Variants in GYG1 observed in about 807,000 individuals in gnomAD.
The protein encoded by GYG1 is glycogenin-1.
A neutral mutation model predicts 41.9 loss-of-function variants in GYG1; 44 were observed. The observed-to-expected ratio is 1.05, with a 90% CI of 0.83 to 1.35. The LOEUF is 1.35. Among genes scored for constraint, GYG1 ranks in the 40% most tolerant of loss-of-function variants. The probability of loss-of-function intolerance (pLI) is 0.00; values close to 1 mark genes in which losing one functional copy is unlikely to be tolerated. For synonymous variants in GYG1, 141 were observed against 158.1 expected, an observed-to-expected ratio of 0.89 and a Z score of 0.81; for missense variants, 429 against 418.9, an observed-to-expected ratio of 1.02 and a Z score of -0.21.
Position 149,011,326 on chromosome 3 carries a change from T to C in GYG1, c.608+1924T>C, listed in dbSNP as rs573038460. 1.4e-4 allele frequency among the ~76,000 whole-genome samples: 21 copies of C among 152,362 alleles called. No individual in the cohort carries two copies. The South Asian group carries it at 3.9e-3, about 29-fold the overall frequency. ...ATAGTGTTCTTGCAAACCATGACAG[T>C]GTGACCCCTAGAGCCGAATTTGTCT... On this transcript the variant is annotated intron_variant, in intron 5 of 7. Transcript: ENST00000345003.
In GYG1 at chr3:149,027,177, T is replaced by A; in HGVS notation, c.*244T>A. On this transcript the variant is annotated 3_prime_UTR_variant, in exon 8 of 8. Coordinates refer to ENST00000345003, the MANE Select transcript of GYG1 (RefSeq NM_004130.4). The stretch of plus-strand genomic sequence containing the variant: ...TAGCTTGTTTCAGAAATTCTCACTT[T>A]TGTTGACTGCCAACATACAAAGTAA... 1.8e-6 allele frequency: 1 copy of A among 543,884 alleles called. No individual in the cohort carries two copies. The highest frequency in any genetic ancestry group is 3.3e-6 in the Non-Finnish European group (1 of 304,778). The allele number at this position is 543,884 out of a possible 1,614,324, so 33.7% of individuals were successfully genotyped here. A position where few individuals can be genotyped will look rare whatever the true frequency, so the allele number is the denominator to read the frequency against.
At chr3:149,000,534 ACT>A (rs1477872735) in intron 4 of GYG1, among the ~76,000 whole-genome samples, 1 of 152,134 alleles carries the variant, frequency 6.6e-6, no homozygotes, top group African/African-American at 2.4e-5. Flanking sequence ...GATGAACTTG[ACT>A]CTGAAGAAAT....
intron 6 of GYG1, 22 bp downstream of exon 6, chr3:149,024,294 C>T: frequency 5.0e-6 from 7 of 1,390,670 alleles, no homozygotes; most frequent in Non-Finnish European, 7.2e-6. Context: ...TTCTTTTCTT[C>T]AGATCATTTA....
chr3:149,014,701 T>C (rs1713921847), intron 5 of GYG1, among the ~76,000 whole-genome samples: 1 of 151,420 alleles, frequency 6.6e-6, no homozygotes, highest in Admixed American at 6.6e-5. Context: ...AAAATACATA[T>C]ATATAAATAC....
At chr3:149,013,950 ATCGT>A (rs1713878405) in intron 5 of GYG1, among the ~76,000 whole-genome samples, 1 of 152,172 alleles carries the variant, frequency 6.6e-6, no homozygotes, top group Non-Finnish European at 1.5e-5. Flanking sequence ...TGGCCTGCTG[ATCGT>A]TCATTCAGTT....
At chr3:149,009,940 A>G (rs116651832) in intron 5 of GYG1, among the ~76,000 whole-genome samples, 97 of 152,302 alleles carry the variant, frequency 6.4e-4, no homozygotes, top group African/African-American at 2.3e-3. Context: ...TACTTACTGA[A>G]CTTCTTTCTG....
rs1265151851 is a variant in GYG1, at chr3:149,026,841, CG to C, written c.963del (p.Lys322ArgfsTer49). The stretch of plus-strand genomic sequence containing the variant: ...ACAGCCGTTTGTATCCTCGGAAGAA[CG>C]GAAGGAACGATGGGAACAGGGCCAG... ...MAQPFVSSEE[R>X]KERWEQGQAD... On this transcript the variant is annotated frameshift_variant, in exon 8 of 8. Transcript: ENST00000345003. LOFTEE classifies it high-confidence loss of function. 1.2e-6 allele frequency: 2 copies of C among 1,613,878 alleles called. No homozygotes were observed. Among genetic ancestry groups the C allele is most frequent in the East Asian group, 4.5e-5 (2 of 44,870 alleles).
intron 5 of GYG1, among the ~76,000 whole-genome samples, chr3:149,016,264 AAAAAAAAAAAAAC>A (rs1714026284): frequency 1.3e-5 from 2 of 150,034 alleles, no homozygotes; most frequent in African/African-American, 4.9e-5. Context: ...CCGTCTCAAA[AAAAAAAAAAAAAC>A]AAAAAAGAAA....
At chr3:149,000,464 T>C (rs1253874727) in intron 4 of GYG1, among the ~76,000 whole-genome samples, 1 of 152,224 alleles carries the variant, frequency 6.6e-6, no homozygotes, top group Non-Finnish European at 1.5e-5. Context: ...AAGAGAGAGC[T>C]CATTATATTG....
At chr3:149,016,556 G>A (rs1714058856) in intron 5 of GYG1, among the ~76,000 whole-genome samples, 2 of 152,162 alleles carry the variant, frequency 1.3e-5, no homozygotes, top group Admixed American at 6.5e-5. Flanking sequence ...TAAAGTCTGG[G>A]TTCGAGTGCT....
At position 149,026,921 on chromosome 3, in the gene GYG1, T is replaced by A. The variant is rs202027758; in HGVS notation, c.1041T>A (p.Thr347=). The A allele has an allele frequency of 3.0e-4, 484 of 1,613,858 alleles. 1 individual carries two copies. Among genetic ancestry groups the A allele is most frequent in the Non-Finnish European group, 3.7e-4 (441 of 1,179,702 alleles). Residue 347 remains threonine (T), a synonymous_variant, in exon 8 of 8, where the codon ACT becomes ACA. Coordinates refer to ENST00000345003, the MANE Select transcript of GYG1 (RefSeq NM_004130.4). ...SFDNIKRKLD[T]YLQ is the part of the protein sequence containing the mutation. Reference sequence around the variant, plus strand: ...ACAACATCAAGAGGAAACTTGACACTTACCTCCAGTAGAAACACTGCATTT... The same window carrying A: ...ACAACATCAAGAGGAAACTTGACACATACCTCCAGTAGAAACACTGCATTT...
chr3:149,021,543 A>C (rs16861301), intron 5 of GYG1, among the ~76,000 whole-genome samples: 3,115 of 152,258 alleles, frequency 0.02, 126 homozygotes, highest in African/African-American at 0.071. Context: ...GCATGGTAGG[A>C]TGGTAAGTGC....
chr3:148,994,278 G>T lies in GYG1; in HGVS notation c.143+1G>T. The T allele has an allele frequency of 6.2e-7, 1 of 1,614,032 alleles. No homozygotes were observed. Among genetic ancestry groups the T allele is most frequent in the South Asian group, 1.1e-5 (1 of 91,086 alleles). On this transcript the variant is annotated splice_donor_variant, in intron 2 of 7. Coordinates refer to ENST00000345003, the MANE Select transcript of GYG1 (RefSeq NM_004130.4). LOFTEE classifies it high-confidence loss of function. Reference sequence around the variant, plus strand: ...CCCCTCAGGTCTCAGACTCCATGAGGTGAGGACCTCGCTGCCACCCCAGCA... The same window carrying T: ...CCCCTCAGGTCTCAGACTCCATGAGTTGAGGACCTCGCTGCCACCCCAGCA...
chr3:149,028,625 C>CTAT lies in GYG1; in HGVS notation c.*1694_*1696dup, dbSNP rs955987907. On this transcript the variant is annotated 3_prime_UTR_variant, in exon 8 of 8. Transcript: ENST00000345003. ...CAGTTGCATTCAACGTTAATTTTTT[C>CTAT]TATTTACTACCGTTCATTCTCTATT... Among the ~76,000 whole-genome samples, 1 of 151,572 alleles carries CTAT rather than the reference C, an allele frequency of 6.6e-6. No homozygotes were observed. Among genetic ancestry groups the CTAT allele is most frequent in the African/African-American group, 2.4e-5 (1 of 41,244 alleles).
chr3:149,022,623 G>A (rs1714435741), intron 5 of GYG1, among the ~76,000 whole-genome samples: 1 of 150,018 alleles, frequency 6.7e-6, no homozygotes, highest in Non-Finnish European at 1.5e-5. Flanking sequence ...AGCCTCCTGA[G>A]TAGCTGTGAT....
chr3:149,011,723 G>C (rs548581661), intron 5 of GYG1, among the ~76,000 whole-genome samples: 1 of 152,294 alleles, frequency 6.6e-6, no homozygotes, highest in East Asian at 1.9e-4. Flanking sequence ...AAACCAGTTA[G>C]AGATCTAAAT....
In GYG1 at chr3:149,009,269, C is replaced by A; in HGVS notation, c.482-7C>A. On this transcript the variant is annotated splice_region_variant and splice_polypyrimidine_tract_variant and intron_variant, in intron 4 of 7. Transcript: ENST00000345003. ...TGTTAACTAATTTATATATTTTTTT[C>A]TTTTAGGTGGGGACCAAGGCATACT... 6.2e-7 allele frequency: 1 copy of A among 1,605,580 alleles called. No homozygotes were observed. Among genetic ancestry groups the A allele is most frequent in the Middle Eastern group, 1.7e-4 (1 of 6,004 alleles).
At chr3:149,022,957 T>C (rs1196371374) in intron 5 of GYG1, among the ~76,000 whole-genome samples, 1 of 133,068 alleles carries the variant, frequency 7.5e-6, no homozygotes, top group African/African-American at 2.9e-5. Context: ...GCAGAACTTT[T>C]CCTTTAAAAA....
At position 148,991,555 on chromosome 3, in the gene GYG1, C is replaced by G. The variant is rs1467836427; in HGVS notation, c.-86C>G. 2 of 1,521,652 alleles carry G rather than the reference C, an allele frequency of 1.3e-6. No individual in the cohort carries two copies. The highest frequency in any genetic ancestry group is 2.5e-5 in the East Asian group (1 of 40,384). The allele number at this position is 1,521,652 out of a possible 1,614,324, so 94.3% of individuals were successfully genotyped here. A position where few individuals can be genotyped will look rare whatever the true frequency, so the allele number is the denominator to read the frequency against. On this transcript the variant is annotated 5_prime_UTR_variant, in exon 1 of 8. Coordinates refer to ENST00000345003, the MANE Select transcript of GYG1 (RefSeq NM_004130.4). ...GACGCTCGGTTCCCCGCCGTGCCTC[C>G]TCGCTGGCCGCGCTCCCTCCCGGTG...
Sources: gnomAD v4.1 joint callset for allele counts (sites outside exome capture counted in the v4.1 genomes callset) on GRCh38, gnomAD v4.1.1 for gene constraint, MANE v1.5 for transcripts, NCBI Gene and HGNC (gene_info 2026-07-23, HGNC 2026-07-21) for gene names.